CCDC57: variants seen among roughly 807,000 people sequenced by gnomAD.
CCDC57 encodes coiled-coil domain-containing protein 57.
CCDC57 carries 118 observed loss-of-function variants against 118.9 expected under a neutral mutation model. The ratio of observed to expected loss-of-function variants is 0.99; its 90% confidence interval spans 0.86 to 1.16. The LOEUF is 1.16. Ranked by LOEUF, CCDC57 falls within the 50% of genes most tolerant of loss-of-function variation. The pLI is 0.00. For missense variants in CCDC57, 1,300 were observed against 1,320.7 expected (o/e 0.98, Z 0.24); for synonymous variants, 527 against 532.9 (o/e 0.99, Z 0.15).
At chr17:82,138,460 T>C (rs1484254838) in intron 16 of CCDC57, among the ~76,000 whole-genome samples, 1 of 151,622 alleles carries the variant, frequency 6.6e-6, no homozygotes, top group Non-Finnish European at 1.5e-5. Context: ...GACGGGAGGA[T>C]CTCTTGAGCC....
chr17:82,171,933 A>T, intron 12 of CCDC57, 80 bp from the exon 12 acceptor site: 1 of 1,469,480 alleles, frequency 6.8e-7, no homozygotes, highest in Non-Finnish European at 9.3e-7. Context: ...CAGCTCAGGG[A>T]GCCGATGCCA....
intron 17 of CCDC57, among the ~76,000 whole-genome samples, chr17:82,131,371 C>T (rs891280042): frequency 4.0e-5 from 6 of 151,790 alleles, no homozygotes; most frequent in Non-Finnish European, 7.4e-5. Flanking sequence ...GCAGAGGTTG[C>T]AGTGAGTCAA....
intron 19 of CCDC57, chr17:82,113,172 C>T (rs955492814): frequency 9.1e-5 from 51 of 560,406 alleles, no homozygotes; most frequent in African/African-American, 1.9e-4. Context: ...CAGAAAGTTC[C>T]AAGACTGCCC....
chr17:82,211,177 C>G (rs2050160531), intron 1 of CCDC57, among the ~76,000 whole-genome samples: 1 of 152,134 alleles, frequency 6.6e-6, no homozygotes, highest in African/African-American at 2.4e-5. Context: ...CACCAACAGC[C>G]AGGGGCATCC....
At chr17:82,103,507 G>A (rs2034614678) in intron 19 of CCDC57, among the ~76,000 whole-genome samples, 1 of 152,212 alleles carries the variant, frequency 6.6e-6, no homozygotes, top group Admixed American at 6.5e-5. Context: ...CTGGCAGAGG[G>A]TGGGGTATCC....
chr17:82,165,529 CG>C (rs1367140402), intron 13 of CCDC57, among the ~76,000 whole-genome samples: 13 of 151,998 alleles, frequency 8.6e-5, no homozygotes, highest in South Asian at 2.1e-4. Context: ...CTGGGACCAA[CG>C]GAGCAAGAAG....
Position 82,172,942 on chromosome 17 carries a change from C to A in CCDC57, c.1507-82G>T. 7.6e-7 allele frequency: 1 copy of A among 1,318,248 alleles called. No homozygotes were observed. The allele number at this position is 1,318,248 out of a possible 1,614,324, so 81.7% of individuals were successfully genotyped here. A position where few individuals can be genotyped will look rare whatever the true frequency, so the allele number is the denominator to read the frequency against. ...TGACAGGCTGTGCCTCCGCTCTCCC[C>A]GCGCCCCTCTCGGGCCGGTCCCCCG... On this transcript the variant is annotated intron_variant, in intron 11 of 19. Coordinates refer to ENST00000665763, the Ensembl canonical transcript of CCDC57. The surrounding 1 kb of genome is among the most constrained non-coding windows in gnomAD (Gnocchi z 5.2).
At chr17:82,121,212 C>T (rs1295600543) in intron 19 of CCDC57, among the ~76,000 whole-genome samples, 6 of 152,104 alleles carry the variant, frequency 3.9e-5, no homozygotes, top group Admixed American at 2.6e-4. Context: ...ACAGTGAGAC[C>T]GTGTTTCTAA....
At chr17:82,203,109 G>T (rs1422523679) in intron 2 of CCDC57, among the ~76,000 whole-genome samples, 1 of 152,208 alleles carries the variant, frequency 6.6e-6, no homozygotes. Flanking sequence ...ACCCCTCGTG[G>T]CTTGGTGCCG....
chr17:82,180,410 T>G (rs2046057765), intron 9 of CCDC57, among the ~76,000 whole-genome samples: 1 of 152,248 alleles, frequency 6.6e-6, no homozygotes, highest in South Asian at 2.1e-4. Context: ...TAAATGGGTG[T>G]TTAAAGCAGC....
At chr17:82,206,553 G>C (rs1393369340) in intron 2 of CCDC57, among the ~76,000 whole-genome samples, 1 of 152,010 alleles carries the variant, frequency 6.6e-6, no homozygotes, top group Non-Finnish European at 1.5e-5. Context: ...GGGAGTGGTG[G>C]GTGGGGTGTG....
intron 19 of CCDC57, among the ~76,000 whole-genome samples, chr17:82,109,982 CT>C (rs1292887141): frequency 6.7e-6 from 1 of 149,236 alleles, no homozygotes; most frequent in Non-Finnish European, 1.5e-5. Context: ...GCAAAGAAGT[CT>C]GTTTTTTTTT....
chr17:82,185,935 T>G (rs1331704010), intron 8 of CCDC57, among the ~76,000 whole-genome samples: 1 of 152,198 alleles, frequency 6.6e-6, no homozygotes, highest in Non-Finnish European at 1.5e-5. Flanking sequence ...AATTATTTTT[T>G]TAGAGACAGA....
intron 16 of CCDC57, among the ~76,000 whole-genome samples, chr17:82,148,047 T>G (rs2041081446): frequency 5.7e-5 from 5 of 87,148 alleles, no homozygotes; most frequent in Admixed American, 2.9e-4. Flanking sequence ...GATGGATGGG[T>G]GGGTGGGTGG....
chr17:82,178,990 C>G (rs377123641), intron 10 of CCDC57, 37 bp downstream of exon 9: 5 of 1,601,578 alleles, frequency 3.1e-6, no homozygotes, highest in Non-Finnish European at 4.3e-6. Context: ...TCTGCAGAGA[C>G]GCCGAGAAGG....
At chr17:82,155,268 TC>T (rs1479077255) in intron 15 of CCDC57, 1 of 152,254 alleles carries the variant, frequency 6.6e-6, no homozygotes, top group Non-Finnish European at 1.5e-5. Context: ...TCAGCACCCA[TC>T]CGTGGTCGCC....
At chr17:82,148,979 G>A in intron 16 of CCDC57, among the ~76,000 whole-genome samples, 1 of 84,526 alleles carries the variant, frequency 1.2e-5, no homozygotes, top group Non-Finnish European at 2.3e-5. Flanking sequence ...GGGTGGGTGG[G>A]TAGATGGGTA....
At chr17:82,119,571 A>C (rs542009083) in intron 19 of CCDC57, among the ~76,000 whole-genome samples, 21 of 152,172 alleles carry the variant, frequency 1.4e-4, no homozygotes, top group Non-Finnish European at 2.9e-4. Context: ...GAAGGAAGGA[A>C]GCTGGATGGG....
At chr17:82,109,138 TGGG>T (rs974459560) in intron 19 of CCDC57, among the ~76,000 whole-genome samples, 2 of 152,176 alleles carry the variant, frequency 1.3e-5, no homozygotes, top group Non-Finnish European at 2.9e-5. Flanking sequence ...CAGAAAGTGT[TGGG>T]GGAGTCACTG....
Sources: gnomAD v4.1 joint callset for allele counts (sites outside exome capture counted in the v4.1 genomes callset) on GRCh38, gnomAD v4.1.1 for gene constraint, Gnocchi (gnomAD v3.1) non-coding constraint, MANE v1.5 for transcripts, NCBI Gene and HGNC (gene_info 2026-07-23, HGNC 2026-07-21) for gene names.